Variants in SLC25A30 observed in about 807,000 individuals in gnomAD.
The protein encoded by SLC25A30 is solute carrier family 25 member 30, also known as kidney mitochondrial carrier protein 1.
Under a neutral mutation model 42.7 loss-of-function variants are expected in SLC25A30, and 29 were observed. That is an observed-to-expected ratio of 0.68 (90% confidence interval 0.51 to 0.93). The LOEUF (loss-of-function observed/expected upper bound fraction) is 0.93. Among genes scored for constraint, SLC25A30 ranks in the 40% least tolerant of loss-of-function variants. SLC25A30 has a pLI of 0.00. For missense variants in SLC25A30, 300 were observed against 359.7 expected, an observed-to-expected ratio of 0.83 and a Z score of 1.34; for synonymous variants, 124 against 131.0, an observed-to-expected ratio of 0.95 and a Z score of 0.37.
chr13:45,411,218 G>A, intron 2 of SLC25A30, 144 bp downstream of exon 2: 2 of 692,946 alleles, frequency 2.9e-6, no homozygotes, highest in Non-Finnish European at 2.6e-6. Flanking sequence ...GAGATTATAG[G>A]CGTGAGCCAC....
the SLC25A30 span, among the ~76,000 whole-genome samples, chr13:45,423,580 AAT>A: frequency 4.6e-5 from 3 of 64,630 alleles, 1 homozygote; most frequent in African/African-American, 9.9e-5. Context: ...TATATATAAA[AAT>A]ATATATAAAT....
chr13:45,424,812 AT>A, the SLC25A30 span, among the ~76,000 whole-genome samples: 17 of 63,114 alleles, frequency 2.7e-4, 2 homozygotes, highest in East Asian at 3.6e-4. Flanking sequence ...ATATAAAAAA[AT>A]ATAAATATAT....
intron 5 of SLC25A30, among the ~76,000 whole-genome samples, chr13:45,403,412 C>G (rs920429354): frequency 3.3e-5 from 5 of 152,006 alleles, no homozygotes; most frequent in Admixed American, 2.6e-4. Context: ...GCATAGAATA[C>G]TAGTTAAATA....
chr13:45,413,341 G>T (rs1487561232), intron 1 of SLC25A30, among the ~76,000 whole-genome samples: 5 of 152,122 alleles, frequency 3.3e-5, no homozygotes, highest in Non-Finnish European at 7.3e-5. Context: ...TAATAGTTAA[G>T]ATTGTAAGAG....
chr13:45,407,746 T>A (rs755157734), intron 3 of SLC25A30, among the ~76,000 whole-genome samples: 1 of 152,162 alleles, frequency 6.6e-6, no homozygotes, highest in Non-Finnish European at 1.5e-5. Context: ...CCTCTTGTGT[T>A]TCCTAAACCA....
In SLC25A30 at chr13:45,403,151, C is replaced by T. The variant is rs142034999; in HGVS notation, c.394-781G>A. 1.1e-4 allele frequency among the ~76,000 whole-genome samples: 16 copies of T among 152,244 alleles called. No individual in the cohort carries two copies. In the East Asian group the frequency reaches 2.5e-3, roughly 24 times the overall value. The stretch of plus-strand genomic sequence containing the variant: ...TATAATTAAGAAATTAATGAGAGTA[C>T]GAATATTTTTCTCTAGCTCTCTTAC... On this transcript the variant is annotated intron_variant, in intron 5 of 9. Coordinates refer to ENST00000519676, the MANE Select transcript of SLC25A30 (RefSeq NM_001010875.4).
At chr13:45,408,736 A>G (rs1468131223) in intron 3 of SLC25A30, among the ~76,000 whole-genome samples, 191 bp downstream of exon 3, 1 of 152,258 alleles carries the variant, frequency 6.6e-6, no homozygotes, top group Non-Finnish European at 1.5e-5. Flanking sequence ...CAGTTTCACC[A>G]AAACATCTGC....
At position 45,394,626 on chromosome 13, in the gene SLC25A30, A is replaced by C. The variant is rs1881180051; in HGVS notation, c.*1348T>G. The C allele has an allele frequency of 3.0e-6, 3 of 985,430 alleles. No individual in the cohort carries two copies. Among genetic ancestry groups the C allele is most frequent in the Non-Finnish European group, 3.6e-6 (3 of 829,936 alleles). The allele number at this position is 985,430 out of a possible 1,614,324, so 61.0% of individuals were successfully genotyped here. Reference sequence around the variant, plus strand: ...GTCATCTTTTATTTTGAAAAGACTAAGATGAAGACAAGAAGGAAGAGGGCT... The same window carrying C: ...GTCATCTTTTATTTTGAAAAGACTACGATGAAGACAAGAAGGAAGAGGGCT... On this transcript the variant is annotated 3_prime_UTR_variant, in exon 10 of 10. Coordinates refer to ENST00000519676, the MANE Select transcript of SLC25A30 (RefSeq NM_001010875.4).
intron 8 of SLC25A30, 94 bp downstream of exon 8, chr13:45,398,846 C>G (rs748106822): frequency 1.5e-6 from 2 of 1,376,696 alleles, no homozygotes; most frequent in Non-Finnish European, 2.0e-6. Context: ...AAGCATCATT[C>G]ATCTTAGTTT....
At chr13:45,425,574 G>A in the SLC25A30 span, among the ~76,000 whole-genome samples, 39 of 53,694 alleles carry the variant, frequency 7.3e-4, 1 homozygote, top group African/African-American at 2.0e-3. Context: ...ATATATATAA[G>A]TATATATATA....
chr13:45,415,817 TGA>T (rs1353955028), intron 1 of SLC25A30, among the ~76,000 whole-genome samples: 1 of 114,288 alleles, frequency 8.7e-6, no homozygotes, highest in African/African-American at 3.4e-5. Flanking sequence ...TTTTTTTTTT[TGA>T]GACTGAGTCT....
At chr13:45,421,507 CCCT>C (rs1395136515), upstream of SLC25A30, among the ~76,000 whole-genome samples, 2 of 151,990 alleles carry the variant, frequency 1.3e-5, no homozygotes, top group African/African-American at 4.8e-5. Context: ...TCAACTTTCC[CCCT>C]ATTTGGCTCT....
rs1881176585 is a variant in SLC25A30, at chr13:45,394,562, G to C, written c.*1412C>G. ...CAAATAAATATGTTCCCTGTCCTGTGGCTGCCTCCCAGAAGTGGAAGTTCT... is the reference window on the plus strand; with the variant it reads ...CAAATAAATATGTTCCCTGTCCTGTCGCTGCCTCCCAGAAGTGGAAGTTCT... On this transcript the variant is annotated 3_prime_UTR_variant, in exon 10 of 10. Coordinates refer to ENST00000519676, the MANE Select transcript of SLC25A30 (RefSeq NM_001010875.4). 2 of 985,310 alleles carry C rather than the reference G, an allele frequency of 2.0e-6. No individual in the cohort carries two copies. Among genetic ancestry groups the C allele is most frequent in the South Asian group, 4.7e-5 (1 of 21,284 alleles). The allele number at this position is 985,310 out of a possible 1,614,324, so 61.0% of individuals were successfully genotyped here. A position where few individuals can be genotyped will look rare whatever the true frequency, so the allele number is the denominator to read the frequency against.
At chr13:45,433,262 G>A in the SLC25A30 span, among the ~76,000 whole-genome samples, 1 of 152,042 alleles carries the variant, frequency 6.6e-6, no homozygotes, top group Non-Finnish European at 1.5e-5. Context: ...AAAGAATTTG[G>A]GGAACTGTAA....
rs570515900 is a variant in SLC25A30, at chr13:45,396,315, T to C, written c.835-300A>G. 11 of 1,263,746 alleles carry C rather than the reference T, an allele frequency of 8.7e-6. No individual in the cohort carries two copies. The Admixed American group carries it at 1.4e-4, about 16-fold the overall frequency. 78.3% of individuals were successfully genotyped at this position (1,263,746 alleles called of 1,614,324 possible). ...GTGGTGGAAAAACTTTCCAGCACTG[T>C]AAGCTTTTGAGAGAGAGAGAGAGAG... is the stretch of plus-strand genomic sequence containing the variant. On this transcript the variant is annotated intron_variant, in intron 9 of 9. Transcript: ENST00000519676.
rs11330086 is a variant in SLC25A30, at chr13:45,399,096, G to GA, written c.615-19dup. The stretch of plus-strand genomic sequence containing the variant: ...AGCTTGAGCTATAAAGACACCATTG[G>GA]AAAAAAAAAAAAAAGTTAACCATCA... On this transcript the variant is annotated intron_variant, in intron 7 of 9. Transcript: ENST00000519676. 131,513 of 1,115,908 alleles carry GA rather than the reference G, an allele frequency of 0.12. 9 individuals carry two copies. The highest frequency in any genetic ancestry group is 0.13 in the South Asian group (8,025 of 61,788). The allele number at this position is 1,115,908 out of a possible 1,614,324, so 69.1% of individuals were successfully genotyped here.
rs1309795837 is a variant in SLC25A30, at chr13:45,393,440, T to A, written c.*2534A>T. The A allele has an allele frequency of 3.4e-5, 33 of 983,524 alleles. No individual in the cohort carries two copies. The highest frequency in any genetic ancestry group is 3.4e-5 in the Non-Finnish European group (28 of 828,288). The allele number at this position is 983,524 out of a possible 1,614,324, so 60.9% of individuals were successfully genotyped here. A position where few individuals can be genotyped will look rare whatever the true frequency, so the allele number is the denominator to read the frequency against. On this transcript the variant is annotated 3_prime_UTR_variant, in exon 10 of 10. Coordinates refer to ENST00000519676, the MANE Select transcript of SLC25A30 (RefSeq NM_001010875.4). The stretch of plus-strand genomic sequence containing the variant: ...GCTTATGAAAACTTCATACTCTTTA[T>A]ATAATGCATACTATTTCTAGCACAT...
intron 9 of SLC25A30, chr13:45,396,429 G>T: frequency 1.2e-6 from 1 of 823,456 alleles, no homozygotes; most frequent in Non-Finnish European, 1.5e-6. Flanking sequence ...AGAGCAACAA[G>T]AGGACAGCAA....
intron 4 of SLC25A30, among the ~76,000 whole-genome samples, chr13:45,404,636 T>C (rs1432314069): frequency 6.6e-6 from 1 of 152,110 alleles, no homozygotes; most frequent in African/African-American, 2.4e-5. Flanking sequence ...CTGGCCAACA[T>C]GGTGAAACCC....
Sources: gnomAD v4.1 joint callset for allele counts (sites outside exome capture counted in the v4.1 genomes callset) on GRCh38, gnomAD v4.1.1 for gene constraint, MANE v1.5 for transcripts, NCBI Gene and HGNC (gene_info 2026-07-23, HGNC 2026-07-21) for gene names.